Variants in NSA2 observed in about 807,000 individuals in gnomAD.
NSA2 encodes the protein ribosome biogenesis protein NSA2 homolog.
Under a neutral mutation model 34.8 loss-of-function variants are expected in NSA2, and 18 were observed. The ratio of observed to expected loss-of-function variants is 0.52; its 90% confidence interval spans 0.36 to 0.77. NSA2 has a LOEUF of 0.77. Ranked by LOEUF, NSA2 falls within the 30% of genes least tolerant of loss-of-function variation. The pLI is 0.00. For synonymous variants in NSA2, 79 were observed against 100.2 expected, an observed-to-expected ratio of 0.79 and a Z score of 1.26; for missense variants, 188 against 314.7, an observed-to-expected ratio of 0.60 and a Z score of 3.05.
At chr5:74,768,490 T>C (rs752959490) in intron 1 of NSA2, among the ~76,000 whole-genome samples, 1 of 152,206 alleles carries the variant, frequency 6.6e-6, no homozygotes, top group Non-Finnish European at 1.5e-5. Context: ...GGAAATTCTT[T>C]GTATTTTGAT....
At chr5:74,776,320 C>CA (rs1271914712) in intron 5 of NSA2, among the ~76,000 whole-genome samples, 1 of 152,038 alleles carries the variant, frequency 6.6e-6, no homozygotes, top group South Asian at 2.1e-4. Flanking sequence ...GGCAACATGG[C>CA]AAAACCACAT....
Position 74,774,067 on chromosome 5 carries a change from G to T in NSA2, c.715+7G>T. The T allele has an allele frequency of 6.3e-7, 1 of 1,598,818 alleles. No individual in the cohort carries two copies. Among genetic ancestry groups the T allele is most frequent in the Non-Finnish European group, 8.6e-7 (1 of 1,166,962 alleles). ...GGAGGCAAAGTTATTTGGGGTAAGTGAATTTTTGAATACAGGGCTGCTGTG... is the reference window on the plus strand; with the variant it reads ...GGAGGCAAAGTTATTTGGGGTAAGTTAATTTTTGAATACAGGGCTGCTGTG... On this transcript the variant is annotated splice_region_variant and intron_variant, in intron 5 of 5. Coordinates refer to ENST00000610426, the MANE Select transcript of NSA2 (RefSeq NM_014886.6).
intron 5 of NSA2, among the ~76,000 whole-genome samples, chr5:74,774,590 C>G (rs1745050552): frequency 6.6e-6 from 1 of 151,954 alleles, no homozygotes; most frequent in African/African-American, 2.4e-5. Flanking sequence ...GGAGACAGAG[C>G]AAATCTCCAT....
In NSA2 at chr5:74,767,372, G is replaced by A. The variant is rs1744712657; in HGVS notation, c.3+9G>A. 1 of 1,612,958 alleles carries A rather than the reference G, an allele frequency of 6.2e-7. No homozygotes were observed. The highest frequency in any genetic ancestry group is 1.3e-5 in the African/African-American group (1 of 75,030). ...CTGCGGCCGTCACCATGGTAAGGAGGATGCCTCGGACGCTCGCGACACACA... is the reference window on the plus strand; with the variant it reads ...CTGCGGCCGTCACCATGGTAAGGAGAATGCCTCGGACGCTCGCGACACACA... On this transcript the variant is annotated intron_variant, in intron 1 of 5. Coordinates refer to ENST00000610426, the MANE Select transcript of NSA2 (RefSeq NM_014886.6).
At chr5:74,767,557 G>T (rs1744727037) in intron 1 of NSA2, among the ~76,000 whole-genome samples, 194 bp downstream of exon 1, 1 of 152,190 alleles carries the variant, frequency 6.6e-6, no homozygotes, top group Admixed American at 6.5e-5. Context: ...GACGGTATTT[G>T]CCAGAACACA....
chr5:74,774,821 CT>C (rs1745058748), intron 5 of NSA2, among the ~76,000 whole-genome samples: 1 of 152,150 alleles, frequency 6.6e-6, no homozygotes, highest in Non-Finnish European at 1.5e-5. Context: ...TTTGCCACAA[CT>C]TTATATTATG....
intron 2 of NSA2, 21 bp from the exon 3 acceptor site, chr5:74,769,193 A>C (rs779214119): frequency 6.3e-7 from 1 of 1,595,458 alleles, no homozygotes; most frequent in East Asian, 2.2e-5. Context: ...ATAATCTTGA[A>C]TCTTTTTTCC....
rs1460949913 is a variant in NSA2 at position 74,770,679 on chromosome 5, G to A, written c.391G>A (p.Glu131Lys). 1.9e-6 allele frequency: 3 copies of A among 1,612,166 alleles called. No homozygotes were observed. Among genetic ancestry groups the A allele is most frequent in the Admixed American group, 1.7e-5 (1 of 59,756 alleles). ...LPKVRAQGET[E>K]VLKVIRTGKR... ...TAAAGTACGTGCCCAGGGAGAAACA[G>A]AAGTATTAAAAGTTATTCGAACAGG... The change falls in exon 4 of 6, where the codon GAA becomes AAA. Residue 131 changes from glutamate (E) to lysine (K), a missense_variant. Transcript: ENST00000610426.
At position 74,767,249 on chromosome 5, in the gene NSA2, A is replaced by C; in HGVS notation, c.-112A>C. The C allele has an allele frequency of 7.5e-7, 1 of 1,338,190 alleles. No individual in the cohort carries two copies. Among genetic ancestry groups the C allele is most frequent in the Non-Finnish European group, 1.1e-6 (1 of 942,772 alleles). The allele number at this position is 1,338,190 out of a possible 1,614,324, so 82.9% of individuals were successfully genotyped here. ...CTTCACTCGGCCGTTTTAAAGGGTG[A>C]CTCTTTCCTGTCCCGGCCTGCGTGG... On this transcript the variant is annotated 5_prime_UTR_variant, in exon 1 of 6. Transcript: ENST00000610426.
At chr5:74,771,896 A>G (rs1260262794) in intron 4 of NSA2, among the ~76,000 whole-genome samples, 4 of 151,940 alleles carry the variant, frequency 2.6e-5, no homozygotes, top group Non-Finnish European at 4.4e-5. Context: ...AAATCTTTGA[A>G]AAAAGGAAGA....
Position 74,776,822 on chromosome 5 carries a change from A to G in NSA2, c.*151A>G. The stretch of plus-strand genomic sequence containing the variant: ...ACATTAAAGTGGTCCAGTTTTATAA[A>G]TGGTCTTTATTTTGAAATACGCTTT... On this transcript the variant is annotated 3_prime_UTR_variant, in exon 6 of 6. Coordinates refer to ENST00000610426, the MANE Select transcript of NSA2 (RefSeq NM_014886.6). 2.0e-6 allele frequency: 1 copy of G among 497,202 alleles called. No homozygotes were observed. Among genetic ancestry groups the G allele is most frequent in the Non-Finnish European group, 3.7e-6 (1 of 273,930 alleles). 30.8% of individuals were successfully genotyped at this position (497,202 alleles called of 1,614,324 possible). A position where few individuals can be genotyped will look rare whatever the true frequency, so the allele number is the denominator to read the frequency against.
chr5:74,779,257 G>C lies in NSA2; in HGVS notation c.*2586G>C, dbSNP rs965328020. The C allele has an allele frequency of 6.6e-6, 1 of 152,090 alleles. No individual in the cohort carries two copies. 9.4% of individuals were successfully genotyped at this position (152,090 alleles called of 1,614,324 possible). On this transcript the variant is annotated 3_prime_UTR_variant, in exon 6 of 6. Transcript: ENST00000610426. The stretch of plus-strand genomic sequence containing the variant: ...ACTATATTCACACATCAAGAGTTGA[G>C]CCAGTGAGCTCAATCTTTAAAAAAC...
At chr5:74,776,451 C>T (rs1242987212) in intron 5 of NSA2, among the ~76,000 whole-genome samples, 153 bp from the exon 6 acceptor site, 1 of 152,062 alleles carries the variant, frequency 6.6e-6, no homozygotes, top group Non-Finnish European at 1.5e-5. Context: ...TTGCAGTGAG[C>T]CAGATCACGC....
chr5:74,767,376 C>T lies in NSA2; in HGVS notation c.3+13C>T. The T allele has an allele frequency of 1.2e-6, 2 of 1,612,704 alleles. No homozygotes were observed. The highest frequency in any genetic ancestry group is 1.7e-6 in the Non-Finnish European group (2 of 1,179,616). ...GGCCGTCACCATGGTAAGGAGGATG[C>T]CTCGGACGCTCGCGACACACAGCGT... is the stretch of plus-strand genomic sequence containing the variant. On this transcript the variant is annotated intron_variant, in intron 1 of 5. Coordinates refer to ENST00000610426, the MANE Select transcript of NSA2 (RefSeq NM_014886.6).
rs182532509 is a variant in NSA2 at position 74,777,762 on chromosome 5, T to C, written c.*1091T>C. On this transcript the variant is annotated 3_prime_UTR_variant, in exon 6 of 6. Coordinates refer to ENST00000610426, the MANE Select transcript of NSA2 (RefSeq NM_014886.6). ...AGGAAACAATCACAAAATATAGGTT[T>C]AATTACTACTTTTAAACTTAAAAAA... 2.1e-4 allele frequency: 32 copies of C among 152,100 alleles called. No homozygotes were observed. Among genetic ancestry groups the C allele is most frequent in the Non-Finnish European group, 4.3e-4 (29 of 67,902 alleles). The allele number at this position is 152,100 out of a possible 1,614,324, so 9.4% of individuals were successfully genotyped here.
chr5:74,773,140 T>C (rs1223498812), intron 4 of NSA2, among the ~76,000 whole-genome samples: 4 of 152,150 alleles, frequency 2.6e-5, no homozygotes, highest in African/African-American at 9.7e-5. Context: ...AACAAGTCAT[T>C]TAACCTGCTG....
chr5:74,770,894 C>T (rs1744900264), intron 4 of NSA2, 84 bp downstream of exon 4: 21 of 1,089,266 alleles, frequency 1.9e-5, no homozygotes, highest in Non-Finnish European at 2.6e-5. Flanking sequence ...TCCTGAAATT[C>T]TTTAAATTGA....
chr5:74,775,438 A>G (rs925756023), intron 5 of NSA2, among the ~76,000 whole-genome samples: 7 of 151,480 alleles, frequency 4.6e-5, no homozygotes, highest in African/African-American at 1.5e-4. Flanking sequence ...AACATGACAA[A>G]ACGCCGTCTC....
intron 1 of NSA2, among the ~76,000 whole-genome samples, chr5:74,768,350 C>A (rs1180013774): frequency 1.3e-5 from 2 of 152,154 alleles, no homozygotes; most frequent in East Asian, 3.8e-4. Context: ...AAACCAGATT[C>A]AAAAGGCTAT....
Sources: allele counts gnomAD v4.1 joint callset (sites outside exome capture counted in the v4.1 genomes callset), GRCh38; gene constraint gnomAD v4.1.1; transcripts MANE v1.5; gene names NCBI Gene and HGNC (gene_info 2026-07-23, HGNC 2026-07-21).